FER: variants seen among roughly 807,000 people sequenced by gnomAD.
The protein encoded by FER is FER tyrosine kinase.
A neutral mutation model predicts 111.0 loss-of-function variants in FER; 63 were observed. That is an observed-to-expected ratio of 0.57 (90% confidence interval 0.46 to 0.70). FER has a LOEUF of 0.70. FER is among the 30% of genes least tolerant of loss of function. The probability of loss-of-function intolerance (pLI) is 0.00; values close to 1 mark genes in which losing one functional copy is unlikely to be tolerated. For synonymous variants in FER, 327 were observed against 313.9 expected, an observed-to-expected ratio of 1.04 and a Z score of -0.44; for missense variants, 914 against 954.0, an observed-to-expected ratio of 0.96 and a Z score of 0.55.
chr5:108,768,644 A>G (rs1561389179), intron 2 of FER, among the ~76,000 whole-genome samples: 1 of 152,106 alleles, frequency 6.6e-6, no homozygotes, highest in Non-Finnish European at 1.5e-5. Context: ...ATATAATCAT[A>G]TATTCATTGA....
chr5:109,054,444 C>T (rs1451954296), intron 16 of FER, among the ~76,000 whole-genome samples: 1 of 152,136 alleles, frequency 6.6e-6, no homozygotes, highest in Admixed American at 6.5e-5. Context: ...GTGTCCAAAT[C>T]GTCTTGCCTA....
At chr5:109,138,808 G>T (rs75153887) in intron 17 of FER, among the ~76,000 whole-genome samples, 3 of 152,078 alleles carry the variant, frequency 2.0e-5, no homozygotes, top group African/African-American at 7.2e-5. Flanking sequence ...ACTATGTCAC[G>T]TGCAGTATGA....
chr5:109,181,287 C>T (rs1369689487), intron 18 of FER, among the ~76,000 whole-genome samples: 1 of 152,116 alleles, frequency 6.6e-6, no homozygotes, highest in African/African-American at 2.4e-5. Flanking sequence ...TTAAGTCAAT[C>T]AGTTCTTTAG....
intron 10 of FER, among the ~76,000 whole-genome samples, chr5:108,906,289 G>T (rs569073593): frequency 2.0e-5 from 3 of 152,116 alleles, no homozygotes; most frequent in Admixed American, 1.3e-4. Context: ...TTTTTTGCTG[G>T]TCTTTTTTTC....
intron 5 of FER, among the ~76,000 whole-genome samples, chr5:108,861,738 AATTGT>A (rs367773911): frequency 3.9e-5 from 6 of 152,322 alleles, no homozygotes; most frequent in African/African-American, 1.4e-4. Flanking sequence ...AAGTAAATAG[AATTGT>A]ATTAGGTTAT....
At chr5:109,008,566 A>G (rs1049520976) in intron 13 of FER, among the ~76,000 whole-genome samples, 2 of 152,016 alleles carry the variant, frequency 1.3e-5, no homozygotes, top group Non-Finnish European at 2.9e-5. Context: ...TAACTCATCT[A>G]TCTTGTCCCT....
chr5:109,101,384 G>A (rs1000964162), intron 17 of FER, among the ~76,000 whole-genome samples: 1 of 151,782 alleles, frequency 6.6e-6, no homozygotes, highest in African/African-American at 2.4e-5. Flanking sequence ...TTCTCTGAGG[G>A]GAATCATTGT....
At chr5:109,096,338 C>T (rs1159146938) in intron 16 of FER, among the ~76,000 whole-genome samples, 4 of 151,742 alleles carry the variant, frequency 2.6e-5, no homozygotes, top group South Asian at 2.1e-4. Context: ...TTATCTTATC[C>T]GTTAGATATC....
chr5:108,854,080 A>C (rs1438742032), intron 5 of FER, among the ~76,000 whole-genome samples: 1 of 152,240 alleles, frequency 6.6e-6, no homozygotes, highest in Non-Finnish European at 1.5e-5. Flanking sequence ...CACTGTGTAC[A>C]TTAAATTAGT....
At chr5:108,937,326 T>C (rs1389161283) in intron 10 of FER, among the ~76,000 whole-genome samples, 1 of 151,952 alleles carries the variant, frequency 6.6e-6, no homozygotes, top group Non-Finnish European at 1.5e-5. Flanking sequence ...AGGCCAGCTT[T>C]GGGAATTATG....
chr5:108,858,750 G>T, intron 5 of FER, among the ~76,000 whole-genome samples: 1 of 146,504 alleles, frequency 6.8e-6, no homozygotes, highest in African/African-American at 2.5e-5. Flanking sequence ...CATTTGAGTT[G>T]GTAGACAGTT....
chr5:108,908,475 CACATA>C (rs1302251771), intron 10 of FER, among the ~76,000 whole-genome samples: 7 of 152,126 alleles, frequency 4.6e-5, no homozygotes, highest in Admixed American at 4.6e-4. Context: ...TATAAACCAT[CACATA>C]ACATGTTCAA....
At chr5:108,944,604 T>C (rs573928965) in intron 10 of FER, among the ~76,000 whole-genome samples, 108 of 152,146 alleles carry the variant, frequency 7.1e-4, no homozygotes, top group African/African-American at 2.5e-3. Context: ...TTCAGCACAG[T>C]CTGATGTGTT....
chr5:109,147,046 G>A (rs1043599080), intron 17 of FER, among the ~76,000 whole-genome samples: 1 of 151,734 alleles, frequency 6.6e-6, no homozygotes, highest in African/African-American at 2.4e-5. Context: ...CATTCATAGA[G>A]ATTATAAATA....
intron 17 of FER, among the ~76,000 whole-genome samples, chr5:109,128,135 C>T (rs1334681066): frequency 6.6e-6 from 1 of 151,944 alleles, no homozygotes; most frequent in East Asian, 1.9e-4. Context: ...TTTATCCTAG[C>T]CATGAAAAAG....
intron 2 of FER, among the ~76,000 whole-genome samples, chr5:108,772,287 A>G (rs1305324210): frequency 1.0e-5 from 1 of 100,416 alleles, no homozygotes; most frequent in East Asian, 2.3e-4. Context: ...GTTCGTATTC[A>G]GATCTCCCCT....
chr5:109,011,823 C>T (rs1430419421), intron 13 of FER, among the ~76,000 whole-genome samples: 5 of 152,134 alleles, frequency 3.3e-5, no homozygotes, highest in East Asian at 3.8e-4. Flanking sequence ...AAAACAATAG[C>T]GAGCTGATAC....
chr5:109,174,088 T>C (rs2126815272), intron 17 of FER, among the ~76,000 whole-genome samples: 1 of 152,202 alleles, frequency 6.6e-6, no homozygotes, highest in East Asian at 1.9e-4. Flanking sequence ...GCAGGCTTCC[T>C]TTGGGGCCAC....
At chr5:108,868,052 C>T (rs1473006557) in intron 6 of FER, 102 bp downstream of exon 6, 1 of 1,070,676 alleles carries the variant, frequency 9.3e-7, no homozygotes, top group Non-Finnish European at 1.3e-6. Flanking sequence ...ATTATTAACC[C>T]AGTCCAGGGG....
Sources: allele counts gnomAD v4.1 joint callset (sites outside exome capture counted in the v4.1 genomes callset), GRCh38; gene constraint gnomAD v4.1.1; transcripts MANE v1.5; gene names NCBI Gene and HGNC (gene_info 2026-07-23, HGNC 2026-07-21).